PFAS: variants seen among roughly 807,000 people sequenced by gnomAD.
PFAS encodes the protein phosphoribosylformylglycinamidine synthase.
Under a neutral mutation model 140.6 loss-of-function variants are expected in PFAS, and 97 were observed. That is an observed-to-expected ratio of 0.69 (90% CI 0.59 to 0.82). The LOEUF (loss-of-function observed/expected upper bound fraction) is 0.82. Ranked by LOEUF, PFAS falls within the 40% of genes least tolerant of loss-of-function variation. The pLI is 0.00. For missense variants in PFAS, 1,656 were observed against 1,780.2 expected (o/e 0.93, Z 1.26); for synonymous variants, 679 against 718.8 (o/e 0.94, Z 0.88).
At chr17:8,255,714 G>A (rs768209783) in intron 5 of PFAS, 23 bp downstream of exon 5, 31 of 1,595,460 alleles carry the variant, frequency 1.9e-5, no homozygotes, top group Admixed American at 1.1e-4. Flanking sequence ...GGAGGGAGAT[G>A]TAGGGTCCAG....
intron 11 of PFAS, among the ~76,000 whole-genome samples, chr17:8,259,969 C>T (rs536219890): frequency 1.6e-3 from 249 of 151,872 alleles, no homozygotes; most frequent in South Asian, 7.3e-3. Context: ...GGTGTGGTGG[C>T]GCGCACCTAT....
rs780001593 is a variant in PFAS, at chr17:8,263,645, C to CATAACAAAAAAT, written c.1629+9_1629+10insATAACAAAAAAT. On this transcript the variant is annotated intron_variant, in intron 14 of 27. Transcript: ENST00000314666. The stretch of plus-strand genomic sequence containing the variant: ...ACACCAGCCGCTTCCAGGTGGGTCT[C>CATAACAAAAAAT]GTCCCCTGAAGTGTGACATTTTCCC... 4 of 1,613,224 alleles carry CATAACAAAAAAT rather than the reference C, an allele frequency of 2.5e-6. No individual in the cohort carries two copies. In the East Asian group the frequency reaches 8.9e-5, roughly 36 times the overall value.
chr17:8,260,060 C>A (rs1444996180), intron 11 of PFAS, among the ~76,000 whole-genome samples: 2 of 151,166 alleles, frequency 1.3e-5, no homozygotes, highest in African/African-American at 4.9e-5. Flanking sequence ...AAGTTTACGC[C>A]ACTGCACTCC....
intron 1 of PFAS, among the ~76,000 whole-genome samples, chr17:8,251,581 G>A (rs936367962): frequency 1.3e-5 from 2 of 151,998 alleles, no homozygotes; most frequent in Admixed American, 6.6e-5. Flanking sequence ...GATTATAGGC[G>A]TGAGCCACTG....
chr17:8,267,665 G>A lies in PFAS; in HGVS notation c.3382G>A (p.Gly1128Arg). The part of the protein sequence containing the change: ...SYADVLGSAK[G>R]WAAAVTFHPR... Reference sequence around the variant, plus strand: ...TGCAGATGTCCTGGGCTCTGCCAAAGGTCAGTGTGCAGGCTTCTGCCCACT... The same window carrying A: ...TGCAGATGTCCTGGGCTCTGCCAAAAGTCAGTGTGCAGGCTTCTGCCCACT... The change falls in exon 26 of 28, where the codon GGG becomes AGG. Residue 1128 changes from glycine to arginine, a missense_variant and splice_region_variant. By Grantham distance (125) the Gly-to-Arg change is moderately radical. Around this residue, in one of 2 missense-constraint regions of PFAS, gnomAD observed 883 missense variants for 1,023.0 expected, o/e 0.86. Coordinates refer to ENST00000314666, the MANE Select transcript of PFAS (RefSeq NM_012393.3). The surrounding 1 kb of genome is among the most constrained non-coding windows in gnomAD (Gnocchi z 4.9). 2 of 1,548,026 alleles carry A rather than the reference G, an allele frequency of 1.3e-6. No homozygotes were observed. Among genetic ancestry groups the A allele is most frequent in the South Asian group, 1.1e-5 (1 of 89,234 alleles).
At chr17:8,256,015 TC>T (rs1989348415) in intron 6 of PFAS, 105 bp downstream of exon 6, 1 of 921,512 alleles carries the variant, frequency 1.1e-6, no homozygotes. Flanking sequence ...CCTCCCTGAG[TC>T]TCTGAGGGCC....
In PFAS at chr17:8,267,861, T is replaced by C. The variant is rs576140363; in HGVS notation, c.3382+196T>C. Reference sequence around the variant, plus strand: ...TTTTCATTGAAAAAAAGTATATATATACACATATGTAATTAAAATATATAT... The same window carrying C: ...TTTTCATTGAAAAAAAGTATATATACACACATATGTAATTAAAATATATAT... On this transcript the variant is annotated intron_variant, in intron 26 of 27. Transcript: ENST00000314666. The surrounding 1 kb of genome is among the most constrained non-coding windows in gnomAD (Gnocchi z 4.9). Among the ~76,000 whole-genome samples, 15 of 147,372 alleles carry C rather than the reference T, an allele frequency of 1.0e-4. No individual in the cohort carries two copies. The highest frequency in any genetic ancestry group is 3.6e-3 in the Middle Eastern group (1 of 278).
chr17:8,249,162 G>A (rs1221972396), upstream of PFAS: 1 of 152,150 alleles, frequency 6.6e-6, no homozygotes, highest in Non-Finnish European at 1.5e-5. Context: ...GAAACCACCT[G>A]GGGATAAACC....
At chr17:8,255,198 G>T (rs1989311628) in intron 4 of PFAS, 66 bp downstream of exon 4, 2 of 1,219,376 alleles carry the variant, frequency 1.6e-6, no homozygotes, top group South Asian at 1.2e-5. Context: ...CTAAGCTCTA[G>T]AGAGAAGCAG....
rs761513170 is a variant in PFAS at position 8,255,573 on chromosome 17, G to T, written c.456G>T (p.Gln152His). 1 of 1,553,968 alleles carries T rather than the reference G, an allele frequency of 6.4e-7. No homozygotes were observed. Reference protein sequence around the residue: ...LATLHDRMTEQHFPHPIQSFS... With the variant: ...LATLHDRMTEHHFPHPIQSFS... ...CCCTGCACGACCGGATGACAGAGCA[G>T]CACTTCCCCCATCCCATCCAGAGTT... Residue 152 changes from glutamine to histidine, a missense_variant, in exon 5 of 28, where the codon CAG becomes CAT. Physicochemically the swap from Gln to His is conservative, Grantham distance 24 (BLOSUM62 0). Coordinates refer to ENST00000314666, the MANE Select transcript of PFAS (RefSeq NM_012393.3).
At chr17:8,257,587 G>A (rs1025236427) in intron 9 of PFAS, among the ~76,000 whole-genome samples, 5 of 152,020 alleles carry the variant, frequency 3.3e-5, no homozygotes, top group African/African-American at 1.2e-4. Flanking sequence ...GTGTAACTCT[G>A]ATTGCGAGAT....
In PFAS at chr17:8,267,437, G is replaced by A. The variant is rs769383214; in HGVS notation, c.3241G>A (p.Asp1081Asn). 17 of 1,614,106 alleles carry A rather than the reference G, an allele frequency of 1.1e-5. No individual in the cohort carries two copies. The highest frequency in any genetic ancestry group is 2.2e-5 in the East Asian group (1 of 44,886). The change falls in exon 25 of 28, where the codon GAT becomes AAT. Residue 1081 changes from aspartate to asparagine, a missense_variant. Physicochemically the swap from Asp to Asn is conservative, Grantham distance 23. Transcript: ENST00000314666. The surrounding 1 kb of genome is among the most constrained non-coding windows in gnomAD (Gnocchi z 4.9). ...EGSNGDREMA[D>N]AFHLAGFEVW... ...CAGTAATGGAGACCGGGAGATGGCCGATGCCTTCCACTTAGCTGGGTTTGA... is the reference window on the plus strand; with the variant it reads ...CAGTAATGGAGACCGGGAGATGGCCAATGCCTTCCACTTAGCTGGGTTTGA...
chr17:8,256,289 T>C lies in PFAS; in HGVS notation c.703T>C (p.Phe235Leu), dbSNP rs1457677473. 7.4e-6 allele frequency: 12 copies of C among 1,613,960 alleles called. No individual in the cohort carries two copies. The highest frequency in any genetic ancestry group is 1.0e-5 in the Non-Finnish European group (12 of 1,180,028). Residue 235 changes from phenylalanine (F) to leucine (L), a missense_variant, in exon 7 of 28, where the codon TTC becomes CTC. Phe to Leu is a conservative substitution (Grantham distance 22, BLOSUM62 0). Around this residue, in one of 2 missense-constraint regions of PFAS, gnomAD observed 773 missense variants for 757.3 expected, o/e 1.02. Coordinates refer to ENST00000314666, the MANE Select transcript of PFAS (RefSeq NM_012393.3). ...SNSEHSRHWFFKGQLHVDGQK... is the reference protein window; with the variant it reads ...SNSEHSRHWFLKGQLHVDGQK... ...CAGCGAGCACAGCCGACACTGGTTC[T>C]TCAAGGGCCAGCTCCACGTGGATGG...
At chr17:8,254,111 A>G (rs770608270) in intron 2 of PFAS, 32 bp downstream of exon 2, 7 of 1,613,912 alleles carry the variant, frequency 4.3e-6, no homozygotes, top group Non-Finnish European at 5.1e-6. Flanking sequence ...CTTGGGGGAC[A>G]TGCCTCGGTG....
rs368160722 is a variant in PFAS, at chr17:8,268,643, G to T, written c.3493G>T (p.Ala1165Ser). 14 of 1,613,782 alleles carry T rather than the reference G, an allele frequency of 8.7e-6. No individual in the cohort carries two copies. Among genetic ancestry groups the T allele is most frequent in the African/African-American group, 2.7e-5 (2 of 75,028 alleles). The change falls in exon 27 of 28, where the codon GCT becomes TCT. Residue 1165 changes from alanine (A) to serine (S), a missense_variant. Ala to Ser is a moderately conservative substitution (Grantham distance 99). Coordinates refer to ENST00000314666, the MANE Select transcript of PFAS (RefSeq NM_012393.3). The stretch of plus-strand genomic sequence containing the variant: ...CGTGTGTAATGGCTGTCAACTGCTG[G>T]CTCTGCTCGGCTGGGTGGGAGGCGA... ...LGVCNGCQLLALLGWVGGDPN... is the reference protein window; with the variant it reads ...LGVCNGCQLLSLLGWVGGDPN...
chr17:8,264,628 C>A (rs754249645), intron 17 of PFAS, 27 bp downstream of exon 17: 38 of 1,574,146 alleles, frequency 2.4e-5, no homozygotes, highest in Non-Finnish European at 3.3e-5. Context: ...TCCTCTGCCC[C>A]CTGCCTCCTT....
At chr17:8,252,674 C>T (rs976426887) in intron 1 of PFAS, among the ~76,000 whole-genome samples, 1 of 152,026 alleles carries the variant, frequency 6.6e-6, no homozygotes, top group East Asian at 1.9e-4. Flanking sequence ...TGGAGTGCAG[C>T]GGCTTGATCA....
intron 13 of PFAS, 148 bp downstream of exon 13, chr17:8,263,413 G>A: frequency 9.4e-7 from 1 of 1,066,946 alleles, no homozygotes; most frequent in Non-Finnish European, 1.4e-6. Context: ...GTTCAGGGTT[G>A]GAAGGGTGGA....
At position 8,267,195 on chromosome 17, in the gene PFAS, G is replaced by GC. The variant is rs756354130; in HGVS notation, c.3141dup (p.Thr1048HisfsTer10). Reference sequence around the variant, plus strand: ...AGCGGATGGGGCCCAGCTATTGCCTGCCCCCCACCTTTCCCAAAGCCTCCG... The same window carrying GC: ...AGCGGATGGGGCCCAGCTATTGCCTGCCCCCCCACCTTTCCCAAAGCCTCCG... On this transcript the variant is annotated frameshift_variant, in exon 24 of 28. Coordinates refer to ENST00000314666, the MANE Select transcript of PFAS (RefSeq NM_012393.3). LOFTEE classifies it high-confidence loss of function. This position sits in a 1 kb window ranked among gnomAD's most constrained non-coding sequence, Gnocchi z 4.9. 3 of 1,606,306 alleles carry GC rather than the reference G, an allele frequency of 1.9e-6. No individual in the cohort carries two copies. Among genetic ancestry groups the GC allele is most frequent in the Admixed American group, 1.7e-5 (1 of 58,682 alleles).
Sources: allele counts gnomAD v4.1 joint callset (sites outside exome capture counted in the v4.1 genomes callset), GRCh38; gene constraint gnomAD v4.1.1; regional missense constraint gnomAD v4.1.1; non-coding constraint Gnocchi (gnomAD v3.1); transcripts MANE v1.5; gene names NCBI Gene and HGNC (gene_info 2026-07-23, HGNC 2026-07-21).